TGFBRAP1: variants seen among roughly 807,000 people sequenced by gnomAD.
The protein encoded by TGFBRAP1 is transforming growth factor beta receptor associated protein 1, also known as transforming growth factor-beta receptor-associated protein 1.
A neutral mutation model predicts 83.2 loss-of-function variants in TGFBRAP1; 20 were observed. The observed-to-expected ratio is 0.24, with a 90% CI of 0.17 to 0.35. TGFBRAP1 has a LOEUF of 0.35. TGFBRAP1 is among the 10% of genes least tolerant of loss of function. TGFBRAP1 has a pLI of 1.00. For synonymous variants in TGFBRAP1, 415 were observed against 459.8 expected, an observed-to-expected ratio of 0.90 and a Z score of 1.25; for missense variants, 950 against 1,099.4, an observed-to-expected ratio of 0.86 and a Z score of 1.92.
chr2:105,269,835 G>A lies in TGFBRAP1; in HGVS notation c.1973-130C>T, dbSNP rs1464257900. 4 of 1,003,362 alleles carry A rather than the reference G, an allele frequency of 4.0e-6. No individual in the cohort carries two copies. Among genetic ancestry groups the A allele is most frequent in the African/African-American group, 1.6e-5 (1 of 61,642 alleles). The allele number at this position is 1,003,362 out of a possible 1,614,324, so 62.2% of individuals were successfully genotyped here. A position where few individuals can be genotyped will look rare whatever the true frequency, so the allele number is the denominator to read the frequency against. On this transcript the variant is annotated intron_variant, in intron 10 of 11. Transcript: ENST00000393359. The surrounding 1 kb of genome is among the most constrained non-coding windows in gnomAD (Gnocchi z 4.1). ...TGGCTCCCTCACAATGCCAAATGCT[G>A]CCACCCAGATGACTGAGGGTAGGTT...
In TGFBRAP1 at chr2:105,310,235, A is replaced by G. The variant is rs1016364232; in HGVS notation, c.-17-1917T>C. Among the ~76,000 whole-genome samples the G allele has an allele frequency of 4.6e-5, 7 of 152,128 alleles. No homozygotes were observed. The South Asian group carries it at 1.0e-3, about 23-fold the overall frequency. ...GCGGACAGCTGGCACACAGCACTCA[A>G]ACTTTTGGATCTCATCATAAATACT... On this transcript the variant is annotated intron_variant, in intron 1 of 11. Transcript: ENST00000393359.
chr2:105,317,467 C>T (rs1449589759), intron 1 of TGFBRAP1, among the ~76,000 whole-genome samples: 1 of 151,778 alleles, frequency 6.6e-6, no homozygotes. Context: ...AGATTCCTAC[C>T]TCACACCACA....
intron 3 of TGFBRAP1, among the ~76,000 whole-genome samples, chr2:105,296,982 C>T (rs1558643331): frequency 6.6e-6 from 1 of 151,946 alleles, no homozygotes; most frequent in African/African-American, 2.4e-5. Context: ...ATTTCATGCT[C>T]ATCTGCCAAC....
At chr2:105,296,824 G>A (rs760874397) in intron 3 of TGFBRAP1, among the ~76,000 whole-genome samples, 15 of 123,624 alleles carry the variant, frequency 1.2e-4, no homozygotes, top group African/African-American at 3.6e-4. Context: ...TGTAGTAAAC[G>A]CATAATACAT....
At chr2:105,255,297 G>A in the TGFBRAP1 span, among the ~76,000 whole-genome samples, 28 of 151,992 alleles carry the variant, frequency 1.8e-4, no homozygotes, top group African/African-American at 5.6e-4. Context: ...TAAACAGCTC[G>A]CCCACAAGCA....
At chr2:105,250,884 A>G in the TGFBRAP1 span, among the ~76,000 whole-genome samples, 1,974 of 152,304 alleles carry the variant, frequency 0.013, 36 homozygotes, top group African/African-American at 0.046. Context: ...TCCAGCTCCT[A>G]ACCGCGAGTG....
intron 7 of TGFBRAP1, among the ~76,000 whole-genome samples, chr2:105,276,234 T>G (rs1199666438): frequency 1.3e-5 from 2 of 152,214 alleles, no homozygotes; most frequent in African/African-American, 4.8e-5. Context: ...CAGGATAGAC[T>G]CCAGTGATAA....
At chr2:105,310,698 A>C (rs1678661958) in intron 1 of TGFBRAP1, among the ~76,000 whole-genome samples, 1 of 152,154 alleles carries the variant, frequency 6.6e-6, no homozygotes, top group African/African-American at 2.4e-5. Flanking sequence ...TATTTGTCCC[A>C]ACCAAACATA....
In TGFBRAP1 at chr2:105,321,387, C is replaced by T. The variant is rs540991458; in HGVS notation, c.-18+8238G>A. Among the ~76,000 whole-genome samples, 11 of 152,150 alleles carry T rather than the reference C, an allele frequency of 7.2e-5. No homozygotes were observed. The East Asian group carries it at 1.9e-3, about 27-fold the overall frequency. Reference sequence around the variant, plus strand: ...TTCACTGTGTTGGCCAGGCTGGTCTCGAACTCCTGACCTCAGGTGATCTGC... The same window carrying T: ...TTCACTGTGTTGGCCAGGCTGGTCTTGAACTCCTGACCTCAGGTGATCTGC... On this transcript the variant is annotated intron_variant, in intron 1 of 11. Transcript: ENST00000393359.
At chr2:105,295,094 T>C (rs565659662) in intron 4 of TGFBRAP1, among the ~76,000 whole-genome samples, 1 of 152,368 alleles carries the variant, frequency 6.6e-6, no homozygotes, top group Admixed American at 6.5e-5. Context: ...TGCTGAATGC[T>C]AGTAGATCAG....
rs1234526618 is a variant in TGFBRAP1 at position 105,307,746 on chromosome 2, T to C, written c.556A>G (p.Thr186Ala). The C allele has an allele frequency of 1.2e-6, 2 of 1,613,876 alleles. No individual in the cohort carries two copies. The highest frequency in any genetic ancestry group is 4.5e-5 in the East Asian group (2 of 44,878). The change falls in exon 2 of 12, where the codon ACT becomes GCT. Residue 186 changes from threonine (T) to alanine (A), a missense_variant. Thr to Ala is a moderately conservative substitution (Grantham distance 58, BLOSUM62 0). Coordinates refer to ENST00000393359, the MANE Select transcript of TGFBRAP1 (RefSeq NM_004257.6). ...DGHFLCLALT[T>A]QYIIHNYSTG... Reference sequence around the variant, plus strand: ...CTGTAATTGTGGATGATGTACTGAGTGGTCAGAGCCAGACACAGGAAGTGG... The same window carrying C: ...CTGTAATTGTGGATGATGTACTGAGCGGTCAGAGCCAGACACAGGAAGTGG...
chr2:105,312,291 G>C (rs1305813128), intron 1 of TGFBRAP1, among the ~76,000 whole-genome samples: 1 of 151,904 alleles, frequency 6.6e-6, no homozygotes, highest in East Asian at 1.9e-4. Context: ...TTGAGACTTG[G>C]TCTCTATTTT....
rs111512690 is a variant in TGFBRAP1 at position 105,277,457 on chromosome 2, A to G, written c.1521+157T>C. Among the ~76,000 whole-genome samples the G allele has an allele frequency of 5.4e-3, 819 of 152,284 alleles. 5 individuals carry two copies. Among genetic ancestry groups the G allele is most frequent in the Non-Finnish European group, 8.5e-3 (575 of 68,004 alleles). On this transcript the variant is annotated intron_variant, in intron 7 of 11. Transcript: ENST00000393359. ...ACTCTTGGCCAACATTTCTCCAGGA[A>G]TTCACTTTCTAAAACAGAATCATTT...
chr2:105,283,250 A>G (rs962101051), intron 5 of TGFBRAP1, among the ~76,000 whole-genome samples: 1 of 152,242 alleles, frequency 6.6e-6, no homozygotes, highest in Non-Finnish European at 1.5e-5. Context: ...TATTCAAGGA[A>G]TGATTCCTCC....
Position 105,273,684 on chromosome 2 carries a change from C to T in TGFBRAP1, c.1672G>A (p.Val558Ile). 1 of 1,614,072 alleles carries T rather than the reference C, an allele frequency of 6.2e-7. No homozygotes were observed. Among genetic ancestry groups the T allele is most frequent in the Non-Finnish European group, 8.5e-7 (1 of 1,179,978 alleles). ...WVLQKSEEVG[V>I]QVFTKRPLDE... ...AAAGGTCTCTTGGTGAAAACCTGAA[C>T]TCCGACCTGAAAGAGGAGCGACAAT... is the stretch of plus-strand genomic sequence containing the variant. Residue 558 changes from valine (V) to isoleucine (I), a missense_variant, in exon 9 of 12, where the codon GTT (valine) becomes ATT (isoleucine). Val to Ile is a conservative substitution (Grantham distance 29). Transcript: ENST00000393359.
intron 9 of TGFBRAP1, 64 bp from the exon 10 acceptor site, chr2:105,273,078 C>A (rs1275510598): frequency 1.3e-6 from 2 of 1,572,796 alleles, no homozygotes; most frequent in South Asian, 1.2e-5. Flanking sequence ...TCAAAGCTCT[C>A]CCCTGTCAGC....
chr2:105,311,542 AC>A (rs1433794328), intron 1 of TGFBRAP1, among the ~76,000 whole-genome samples: 5 of 151,860 alleles, frequency 3.3e-5, no homozygotes, highest in Non-Finnish European at 7.4e-5. Context: ...CCATGATTGC[AC>A]CACCGCTCTC....
chr2:105,278,281 T>C (rs79774161), intron 6 of TGFBRAP1, among the ~76,000 whole-genome samples: 6,672 of 152,268 alleles, frequency 0.044, 476 homozygotes, highest in African/African-American at 0.15. Context: ...CTTTACAATT[T>C]GCTTCAAATA....
At chr2:105,253,049 C>T in the TGFBRAP1 span, among the ~76,000 whole-genome samples, 58 of 151,854 alleles carry the variant, frequency 3.8e-4, no homozygotes, top group African/African-American at 1.2e-3. Context: ...CCACCACGCC[C>T]AGCCAAGGTG....
Sources: gnomAD v4.1 joint callset for allele counts (sites outside exome capture counted in the v4.1 genomes callset) on GRCh38, gnomAD v4.1.1 for gene constraint, Gnocchi (gnomAD v3.1) non-coding constraint, MANE v1.5 for transcripts, NCBI Gene and HGNC (gene_info 2026-07-23, HGNC 2026-07-21) for gene names.